L3MBTL4: variants seen among roughly 807,000 people sequenced by gnomAD.
L3MBTL4 encodes the protein L3MBTL histone methyl-lysine binding protein 4.
In L3MBTL4, 70 loss-of-function variants were observed where a neutral mutation model predicts 84.5. The observed-to-expected ratio is 0.83, with a 90% CI of 0.68 to 1.01. The LOEUF is 1.01. L3MBTL4 is among the 50% of genes least tolerant of loss of function. L3MBTL4 has a pLI of 0.00. For synonymous variants in L3MBTL4, 274 were observed against 259.8 expected (o/e 1.05, Z -0.52); for missense variants, 715 against 754.8 (o/e 0.95, Z 0.62).
At chr18:6,146,407 G>A (rs2042652987) in intron 13 of L3MBTL4, among the ~76,000 whole-genome samples, 1 of 152,210 alleles carries the variant, frequency 6.6e-6, no homozygotes. Flanking sequence ...AAGAAAGAGT[G>A]AGCGAGGCGG....
Position 6,036,783 on chromosome 18 carries a change from G to A in L3MBTL4, c.1444+44098C>T, listed in dbSNP as rs143109664. ...CTAATTTTTTATATTTAAAATTGTT[G>A]TTGTTTGATTGTTGTAGGCTGTCTC... On this transcript the variant is annotated intron_variant, in intron 16 of 18. Coordinates refer to ENST00000317931, the MANE Select transcript of L3MBTL4 (RefSeq NM_001330559.2). Among the ~76,000 whole-genome samples the A allele has an allele frequency of 5.9e-3, 904 of 152,242 alleles. 13 individuals are homozygous for A. The highest frequency in any genetic ancestry group is 0.02 in the African/African-American group (836 of 41,526).
At chr18:6,254,805 T>C (rs981109840) in intron 5 of L3MBTL4, among the ~76,000 whole-genome samples, 9 of 152,196 alleles carry the variant, frequency 5.9e-5, no homozygotes, top group African/African-American at 2.2e-4. Context: ...AGTAAGAAAT[T>C]TGGCTGCACA....
At chr18:6,265,946 T>C (rs1450410749) in intron 4 of L3MBTL4, among the ~76,000 whole-genome samples, 1 of 152,144 alleles carries the variant, frequency 6.6e-6, no homozygotes, top group African/African-American at 2.4e-5. Flanking sequence ...TCAAAACTGC[T>C]AAAAAGAATA....
chr18:6,154,548 C>G (rs1028160906), intron 13 of L3MBTL4, among the ~76,000 whole-genome samples: 1 of 152,130 alleles, frequency 6.6e-6, no homozygotes, highest in Non-Finnish European at 1.5e-5. Flanking sequence ...TATGTTCCTC[C>G]AGTGTGAGCA....
intron 16 of L3MBTL4, among the ~76,000 whole-genome samples, chr18:5,989,005 G>A (rs2053576104): frequency 6.6e-6 from 1 of 152,194 alleles, no homozygotes; most frequent in South Asian, 2.1e-4. Context: ...ATCCAGTGGT[G>A]CACCTTTGAG....
intron 5 of L3MBTL4, among the ~76,000 whole-genome samples, chr18:6,257,835 G>A (rs747530848): frequency 2.6e-5 from 4 of 151,606 alleles, no homozygotes; most frequent in African/African-American, 9.7e-5. Flanking sequence ...TAGTAGAGAC[G>A]GGGTTTCTCC....
At chr18:6,013,264 T>C (rs2054817859) in intron 16 of L3MBTL4, among the ~76,000 whole-genome samples, 1 of 152,070 alleles carries the variant, frequency 6.6e-6, no homozygotes, top group Admixed American at 6.6e-5. Context: ...AGTTAGAACA[T>C]CATAGTGAAG....
At chr18:6,143,628 A>G (rs1345218115) in intron 13 of L3MBTL4, among the ~76,000 whole-genome samples, 1 of 152,238 alleles carries the variant, frequency 6.6e-6, no homozygotes, top group Non-Finnish European at 1.5e-5. Flanking sequence ...TTAGACAATT[A>G]GGTCTCAAGA....
chr18:6,324,999 GTCACTACTAGATGT>G, intron 1 of L3MBTL4, among the ~76,000 whole-genome samples: 1 of 152,188 alleles, frequency 6.6e-6, no homozygotes, highest in Middle Eastern at 3.4e-3. Flanking sequence ...TAAGAAGTCT[GTCACTACTAGATGT>G]TGGCAAGGTT....
At chr18:6,104,809 A>G in intron 14 of L3MBTL4, among the ~76,000 whole-genome samples, 1 of 152,258 alleles carries the variant, frequency 6.6e-6, no homozygotes, top group East Asian at 1.9e-4. Context: ...GTAGATTCAT[A>G]TATGTATAGA....
At chr18:6,007,179 T>A (rs1006220703) in intron 16 of L3MBTL4, among the ~76,000 whole-genome samples, 2 of 151,654 alleles carry the variant, frequency 1.3e-5, no homozygotes, top group Non-Finnish European at 2.9e-5. Context: ...AATGGGGTTT[T>A]AAAAAAAACC....
intron 16 of L3MBTL4, among the ~76,000 whole-genome samples, chr18:6,003,707 G>C (rs2054329197): frequency 6.6e-6 from 1 of 151,994 alleles, no homozygotes; most frequent in African/African-American, 2.4e-5. Context: ...TATCTCCTCT[G>C]ACCACAATTA....
chr18:6,301,623 T>C (rs1034134953), intron 4 of L3MBTL4, among the ~76,000 whole-genome samples: 15 of 152,298 alleles, frequency 9.8e-5, no homozygotes, highest in African/African-American at 3.6e-4. Context: ...TATTTTCTTG[T>C]TCACAGAGAA....
intron 5 of L3MBTL4, among the ~76,000 whole-genome samples, chr18:6,255,739 G>A (rs1172727869): frequency 2.8e-5 from 4 of 145,308 alleles, no homozygotes; most frequent in Non-Finnish European, 6.0e-5. Flanking sequence ...TACCAGTGAA[G>A]TTACCTTAAA....
chr18:6,111,609 C>A (rs773161190), intron 14 of L3MBTL4, among the ~76,000 whole-genome samples: 1 of 152,166 alleles, frequency 6.6e-6, no homozygotes, highest in Non-Finnish European at 1.5e-5. Flanking sequence ...AAACAGCCCG[C>A]TGCAAAGGGT....
intron 1 of L3MBTL4, among the ~76,000 whole-genome samples, chr18:6,375,033 C>G (rs939513680): frequency 1.2e-4 from 19 of 152,234 alleles, no homozygotes; most frequent in Admixed American, 3.3e-4. Flanking sequence ...TGCTTTGGTG[C>G]ATTGGGAAAC....
chr18:6,253,839 T>G (rs905817089), intron 5 of L3MBTL4, among the ~76,000 whole-genome samples: 1 of 152,246 alleles, frequency 6.6e-6, no homozygotes, highest in Non-Finnish European at 1.5e-5. Flanking sequence ...TGAGAAACTT[T>G]ATGATCTTTA....
chr18:6,296,072 T>A (rs546444805), intron 4 of L3MBTL4, among the ~76,000 whole-genome samples: 59 of 152,228 alleles, frequency 3.9e-4, no homozygotes, highest in Middle Eastern at 6.8e-3. Context: ...GTTTAGAAAA[T>A]ACCAACATTA....
intron 4 of L3MBTL4, among the ~76,000 whole-genome samples, chr18:6,281,292 T>G (rs74514143): frequency 0.02 from 3,024 of 152,324 alleles, 103 homozygotes; most frequent in African/African-American, 0.07. Flanking sequence ...AAAGCATCCA[T>G]AGCTAACATT....
Sources: allele counts gnomAD v4.1 joint callset (sites outside exome capture counted in the v4.1 genomes callset), GRCh38; gene constraint gnomAD v4.1.1; transcripts MANE v1.5; gene names NCBI Gene and HGNC (gene_info 2026-07-23, HGNC 2026-07-21).